ANKFN1: variants seen among roughly 807,000 people sequenced by gnomAD.
ANKFN1 encodes the protein ankyrin repeat and fibronectin type III domain containing 1.
ANKFN1 carries 74 observed loss-of-function variants against 108.7 expected under a neutral mutation model. That is an observed-to-expected ratio of 0.68 (90% confidence interval 0.56 to 0.83). ANKFN1 has a LOEUF of 0.83. Among genes scored for constraint, ANKFN1 ranks in the 40% least tolerant of loss-of-function variants. ANKFN1 has a pLI of 0.00. For synonymous variants in ANKFN1, 547 were observed against 516.2 expected, an observed-to-expected ratio of 1.06 and a Z score of -0.81; for missense variants, 1,505 against 1,382.3, an observed-to-expected ratio of 1.09 and a Z score of -1.41.
At chr17:56,163,603 C>T (rs977956845) in intron 1 of ANKFN1, among the ~76,000 whole-genome samples, 2 of 152,212 alleles carry the variant, frequency 1.3e-5, no homozygotes, top group Non-Finnish European at 2.9e-5. Flanking sequence ...CAACAGATTT[C>T]TACTGACCAA....
rs141187957 is a variant in ANKFN1 at position 56,255,282 on chromosome 17, G to A, written c.53+27325G>A. Among the ~76,000 whole-genome samples the A allele has an allele frequency of 2.0e-5, 3 of 152,292 alleles. No homozygotes were observed. In the East Asian group the frequency reaches 5.8e-4, roughly 29 times the overall value. On this transcript the variant is annotated intron_variant, in intron 3 of 20. Coordinates refer to ENST00000682825, the MANE Select transcript of ANKFN1 (RefSeq NM_001370326.1). ...AAGATTGGTGGCTTGGGATGCAGAG[G>A]GGATAGAGTCAGAAGTAAGTCTCAG...
intron 8 of ANKFN1, among the ~76,000 whole-genome samples, chr17:56,425,425 T>C (rs1003483680): frequency 5.3e-5 from 8 of 152,342 alleles, no homozygotes; most frequent in Middle Eastern, 3.4e-3. Context: ...CTACAAAATA[T>C]AAGAGAAATT....
At chr17:56,450,038 G>A (rs931048619) in intron 11 of ANKFN1, among the ~76,000 whole-genome samples, 1 of 152,152 alleles carries the variant, frequency 6.6e-6, no homozygotes, top group African/African-American at 2.4e-5. Context: ...TTTATTTGGA[G>A]AATTAAAGCC....
chr17:56,105,225 C>T (rs116126399), intron 4 of ANKFN1, among the ~76,000 whole-genome samples: 2,651 of 152,144 alleles, frequency 0.017, 70 homozygotes, highest in African/African-American at 0.06. Context: ...AAACAATAGT[C>T]AAGGAGCATG....
At chr17:56,415,428 A>G (rs554613432) in intron 8 of ANKFN1, among the ~76,000 whole-genome samples, 4 of 152,208 alleles carry the variant, frequency 2.6e-5, no homozygotes, top group Non-Finnish European at 4.4e-5. Context: ...ATCAGTGACT[A>G]ATCTGAAAAA....
At chr17:56,218,501 T>C (rs984872686) in intron 2 of ANKFN1, among the ~76,000 whole-genome samples, 1 of 152,188 alleles carries the variant, frequency 6.6e-6, no homozygotes, top group African/African-American at 2.4e-5. Flanking sequence ...TTCTTTGGTC[T>C]AACTTTTTTG....
intron 10 of ANKFN1, among the ~76,000 whole-genome samples, chr17:56,447,068 CA>C (rs1197272880): frequency 6.6e-6 from 1 of 151,954 alleles, no homozygotes; most frequent in African/African-American, 2.4e-5. Flanking sequence ...ACTTAAGCTA[CA>C]AAAATTAACC....
intron 4 of ANKFN1, among the ~76,000 whole-genome samples, chr17:56,111,861 A>T (rs1014059242): frequency 1.3e-5 from 2 of 152,260 alleles, no homozygotes; most frequent in Non-Finnish European, 1.5e-5. Flanking sequence ...AGAGCACTTG[A>T]AATCATAACG....
At chr17:56,435,724 G>C (rs2048908898) in intron 8 of ANKFN1, among the ~76,000 whole-genome samples, 1 of 149,896 alleles carries the variant, frequency 6.7e-6, no homozygotes, top group African/African-American at 2.4e-5. Context: ...GGGAGAATCT[G>C]CACAACAGCA....
At chr17:56,383,081 A>G (rs1414718390) in intron 8 of ANKFN1, among the ~76,000 whole-genome samples, 1 of 152,232 alleles carries the variant, frequency 6.6e-6, no homozygotes, top group African/African-American at 2.4e-5. Flanking sequence ...AGTTGGAAGT[A>G]AAGCCCTCAT....
chr17:56,338,960 C>T (rs1214834008), intron 4 of ANKFN1, among the ~76,000 whole-genome samples: 2 of 152,108 alleles, frequency 1.3e-5, no homozygotes, highest in Non-Finnish European at 2.9e-5. Context: ...CACTACCTTA[C>T]TCTCCAATTT....
upstream of ANKFN1, among the ~76,000 whole-genome samples, chr17:56,149,017 C>T (rs779247471): frequency 3.3e-5 from 5 of 152,216 alleles, no homozygotes; most frequent in South Asian, 2.1e-4. Context: ...TCAGGTCACA[C>T]GGGGAGCAAA....
chr17:56,470,774 C>T (rs193161498), intron 15 of ANKFN1, among the ~76,000 whole-genome samples: 1 of 152,300 alleles, frequency 6.6e-6, no homozygotes, highest in East Asian at 1.9e-4. Context: ...AATCCCAGGC[C>T]TTCAAAAGAG....
At chr17:56,451,498 A>C (rs2049486081) in intron 11 of ANKFN1, among the ~76,000 whole-genome samples, 1 of 152,210 alleles carries the variant, frequency 6.6e-6, no homozygotes, top group South Asian at 2.1e-4. Flanking sequence ...AAATACATTG[A>C]AATACTATGT....
intron 3 of ANKFN1, among the ~76,000 whole-genome samples, chr17:56,303,703 G>T (rs1482935221): frequency 6.6e-6 from 1 of 151,700 alleles, no homozygotes; most frequent in Non-Finnish European, 1.5e-5. Flanking sequence ...TATTTTTTTT[G>T]AGATGGAGTC....
intron 8 of ANKFN1, among the ~76,000 whole-genome samples, chr17:56,416,637 A>G (rs1469372018): frequency 6.6e-6 from 1 of 152,236 alleles, no homozygotes; most frequent in Non-Finnish European, 1.5e-5. Context: ...CACTATGGAG[A>G]ACAATTTGGA....
At chr17:56,096,211 C>CA (rs1486308213) in intron 4 of ANKFN1, among the ~76,000 whole-genome samples, 1 of 152,168 alleles carries the variant, frequency 6.6e-6, no homozygotes, top group Non-Finnish European at 1.5e-5. Flanking sequence ...TAGCTCTTCC[C>CA]ACACCAGCCA....
At chr17:56,297,432 C>T (rs1483035503) in intron 3 of ANKFN1, among the ~76,000 whole-genome samples, 1 of 152,186 alleles carries the variant, frequency 6.6e-6, no homozygotes, top group Non-Finnish European at 1.5e-5. Context: ...TGAGTCTGCT[C>T]ACCAAGAGCT....
intron 8 of ANKFN1, among the ~76,000 whole-genome samples, chr17:56,418,361 C>A (rs892431939): frequency 6.6e-6 from 1 of 152,148 alleles, no homozygotes; most frequent in African/African-American, 2.4e-5. Flanking sequence ...ATCAAAACCC[C>A]GTAACAGTTT....
Sources: allele counts gnomAD v4.1 joint callset (sites outside exome capture counted in the v4.1 genomes callset), GRCh38; gene constraint gnomAD v4.1.1; transcripts MANE v1.5; gene names NCBI Gene and HGNC (gene_info 2026-07-23, HGNC 2026-07-21).